Variants in CDC42SE2 observed in about 807,000 individuals in gnomAD.
CDC42SE2 encodes the protein CDC42 small effector 2.
A neutral mutation model predicts 11.5 loss-of-function variants in CDC42SE2; 3 were observed. The ratio of observed to expected loss-of-function variants is 0.26; its 90% CI spans 0.12 to 0.67. The LOEUF (loss-of-function observed/expected upper bound fraction) is 0.67, where lower values mean the gene tolerates loss of function less well. Ranked by LOEUF, CDC42SE2 falls within the 30% of genes least tolerant of loss-of-function variation. The pLI, the probability that CDC42SE2 is intolerant of heterozygous loss-of-function variation, is 0.80. For synonymous variants in CDC42SE2, 33 were observed against 34.8 expected, an observed-to-expected ratio of 0.95 and a Z score of 0.18; for missense variants, 82 against 106.8, an observed-to-expected ratio of 0.77 and a Z score of 1.02.
chr5:131,344,355 C>G (rs1758788077), intron 2 of CDC42SE2, among the ~76,000 whole-genome samples: 1 of 152,214 alleles, frequency 6.6e-6, no homozygotes, highest in African/African-American at 2.4e-5. Context: ...AGATTATATC[C>G]TGCGCCTGAC....
chr5:131,285,368 A>G (rs958680065), intron 1 of CDC42SE2, among the ~76,000 whole-genome samples: 1 of 152,182 alleles, frequency 6.6e-6, no homozygotes, highest in African/African-American at 2.4e-5. Context: ...AGCCAAGAAA[A>G]GCAGGATCAT....
intron 2 of CDC42SE2, among the ~76,000 whole-genome samples, chr5:131,324,402 G>A (rs1561584907): frequency 6.6e-6 from 1 of 151,956 alleles, no homozygotes; most frequent in Non-Finnish European, 1.5e-5. Flanking sequence ...AAGGGTGGGA[G>A]TTTAATCCTC....
intron 1 of CDC42SE2, among the ~76,000 whole-genome samples, chr5:131,283,011 T>G (rs1757269839): frequency 6.8e-6 from 1 of 148,052 alleles, no homozygotes; most frequent in African/African-American, 2.5e-5. Context: ...CACCGCAGCC[T>G]CCACCTCCCG....
chr5:131,262,402 GA>G (rs1026291015), upstream of CDC42SE2, among the ~76,000 whole-genome samples: 2 of 120,482 alleles, frequency 1.7e-5, no homozygotes, highest in Non-Finnish European at 3.1e-5. Flanking sequence ...GAAACCAAGA[GA>G]AAATTTAAAA....
At chr5:131,264,701 C>A (rs1165232020) in intron 1 of CDC42SE2, among the ~76,000 whole-genome samples, 1 of 152,248 alleles carries the variant, frequency 6.6e-6, no homozygotes, top group Admixed American at 6.5e-5. Flanking sequence ...AAGCCCTTGG[C>A]TACCTCGTCG....
intron 2 of CDC42SE2, among the ~76,000 whole-genome samples, chr5:131,350,229 A>C (rs1561595103): frequency 6.6e-6 from 1 of 152,152 alleles, no homozygotes; most frequent in East Asian, 1.9e-4. Context: ...GACATTTTTA[A>C]AAAAAGATTA....
intron 1 of CDC42SE2, among the ~76,000 whole-genome samples, chr5:131,287,431 T>G (rs112904718): frequency 2.5e-4 from 38 of 152,276 alleles, no homozygotes; most frequent in Non-Finnish European, 4.7e-4. Flanking sequence ...AGTGTTTCAT[T>G]GGAAGTAAAT....
chr5:131,365,131 A>G (rs1363856094), intron 3 of CDC42SE2, among the ~76,000 whole-genome samples: 1 of 152,088 alleles, frequency 6.6e-6, no homozygotes, highest in African/African-American at 2.4e-5. Flanking sequence ...CTCTACTAAA[A>G]ATACAAAAAA....
intron 1 of CDC42SE2, among the ~76,000 whole-genome samples, chr5:131,298,261 C>G (rs899430850): frequency 1.3e-5 from 2 of 151,660 alleles, no homozygotes; most frequent in South Asian, 4.2e-4. Context: ...CACCACCATG[C>G]CTGGCTAATT....
the CDC42SE2 span, among the ~76,000 whole-genome samples, chr5:131,232,009 C>T: frequency 4.6e-5 from 7 of 151,954 alleles, no homozygotes; most frequent in Admixed American, 1.3e-4. Context: ...AGGCTGGTCT[C>T]AAACTCCTGA....
intron 2 of CDC42SE2, among the ~76,000 whole-genome samples, chr5:131,332,908 T>A (rs1397894331): frequency 6.6e-6 from 1 of 152,254 alleles, no homozygotes; most frequent in Non-Finnish European, 1.5e-5. Flanking sequence ...TTTTCTCCCA[T>A]TCTGTAGGTT....
At chr5:131,271,967 C>G (rs2149694269) in intron 1 of CDC42SE2, among the ~76,000 whole-genome samples, 1 of 152,148 alleles carries the variant, frequency 6.6e-6, no homozygotes, top group South Asian at 2.1e-4. Context: ...GACCACTGAC[C>G]TAAGGAGGGC....
intron 3 of CDC42SE2, among the ~76,000 whole-genome samples, chr5:131,378,198 C>G (rs1232808996): frequency 2.6e-5 from 4 of 152,080 alleles, no homozygotes. Flanking sequence ...AGACTTGGGG[C>G]AAGGGTGTTT....
At chr5:131,297,238 T>A (rs192631532) in intron 1 of CDC42SE2, among the ~76,000 whole-genome samples, 8 of 150,940 alleles carry the variant, frequency 5.3e-5, no homozygotes, top group Middle Eastern at 3.4e-3. Context: ...GAAGATACAA[T>A]AAAATATGAC....
intron 2 of CDC42SE2, among the ~76,000 whole-genome samples, chr5:131,321,725 G>A (rs2549011): frequency 3.3e-5 from 5 of 151,382 alleles, no homozygotes; most frequent in South Asian, 2.1e-4. Flanking sequence ...CTTCCCCCCC[G>A]CCAAAATCAT....
upstream of CDC42SE2, among the ~76,000 whole-genome samples, chr5:131,259,069 G>C (rs992736511): frequency 3.3e-5 from 5 of 152,104 alleles, no homozygotes; most frequent in Admixed American, 3.3e-4. Context: ...TCTGACAGTT[G>C]GTTATTTTCT....
At chr5:131,336,959 C>T (rs1008539288) in intron 2 of CDC42SE2, among the ~76,000 whole-genome samples, 3 of 152,088 alleles carry the variant, frequency 2.0e-5, no homozygotes, top group Admixed American at 6.5e-5. Context: ...TGAAGCCTTC[C>T]TCTGTCAGCT....
chr5:131,305,465 G>T (rs1264918313), intron 1 of CDC42SE2, among the ~76,000 whole-genome samples: 1 of 152,154 alleles, frequency 6.6e-6, no homozygotes, highest in Non-Finnish European at 1.5e-5. Context: ...TTCCTCCTTT[G>T]CCTTATTTGA....
the CDC42SE2 span, among the ~76,000 whole-genome samples, chr5:131,212,458 G>T: frequency 6.6e-6 from 1 of 152,074 alleles, no homozygotes; most frequent in East Asian, 1.9e-4. Context: ...CCTACCCAAA[G>T]TCCCTGGAAC....
Sources: gnomAD v4.1 joint callset for allele counts (sites outside exome capture counted in the v4.1 genomes callset) on GRCh38, gnomAD v4.1.1 for gene constraint, MANE v1.5 for transcripts, NCBI Gene and HGNC (gene_info 2026-07-23, HGNC 2026-07-21) for gene names.